KCNIP1: variants seen among roughly 807,000 people sequenced by gnomAD.
KCNIP1 encodes the protein A-type potassium channel modulatory protein KCNIP1.
A neutral mutation model predicts 33.0 loss-of-function variants in KCNIP1; 18 were observed. That is an observed-to-expected ratio of 0.55 (90% CI 0.38 to 0.81). The LOEUF (loss-of-function observed/expected upper bound fraction) is 0.81, where lower values mean the gene tolerates loss of function less well. KCNIP1 is among the 30% of genes least tolerant of loss of function. KCNIP1 has a pLI of 0.00. For missense variants in KCNIP1, 238 were observed against 271.6 expected (o/e 0.88, Z 0.87); for synonymous variants, 93 against 98.3 (o/e 0.95, Z 0.32).
chr5:170,395,256 A>T (rs1754729299), intron 1 of KCNIP1, among the ~76,000 whole-genome samples: 1 of 152,214 alleles, frequency 6.6e-6, no homozygotes, highest in Admixed American at 6.5e-5. Flanking sequence ...CCTTGCCAGC[A>T]TCTGTTATTT....
At chr5:170,378,664 C>T (rs112121155) in intron 1 of KCNIP1, 461 of 1,554,430 alleles carry the variant, frequency 3.0e-4, no homozygotes, top group Non-Finnish European at 3.8e-4. Context: ...CCAGCCAGTC[C>T]CCTGTGCCCT....
At chr5:170,435,651 T>C (rs186873447) in intron 1 of KCNIP1, among the ~76,000 whole-genome samples, 2 of 152,218 alleles carry the variant, frequency 1.3e-5, no homozygotes, top group East Asian at 3.9e-4. Flanking sequence ...TGTTATGTGA[T>C]TATGGACAAG....
At chr5:170,378,653 C>T in intron 1 of KCNIP1, 1 of 1,540,008 alleles carries the variant, frequency 6.5e-7, no homozygotes, top group Non-Finnish European at 8.7e-7. Context: ...GCCCTGGGGG[C>T]CCAGCCAGTC....
chr5:170,542,770 T>C (rs574132588), intron 1 of KCNIP1, among the ~76,000 whole-genome samples: 1 of 152,310 alleles, frequency 6.6e-6, no homozygotes, highest in South Asian at 2.1e-4. Context: ...TATAGTATAA[T>C]AAAAGTTATG....
chr5:170,673,652 G>T (rs1762008347), intron 1 of KCNIP1, among the ~76,000 whole-genome samples: 1 of 152,192 alleles, frequency 6.6e-6, no homozygotes, highest in Non-Finnish European at 1.5e-5. Flanking sequence ...GTAAGGTATA[G>T]TTCCTGGTAT....
At chr5:170,682,440 A>T (rs570198658) in intron 1 of KCNIP1, among the ~76,000 whole-genome samples, 1 of 152,186 alleles carries the variant, frequency 6.6e-6, no homozygotes, top group African/African-American at 2.4e-5. Flanking sequence ...CCCTGTATGT[A>T]AGGATGTTTT....
chr5:170,488,234 T>G (rs1013643156), intron 1 of KCNIP1, among the ~76,000 whole-genome samples: 24 of 152,194 alleles, frequency 1.6e-4, no homozygotes, highest in African/African-American at 5.5e-4. Context: ...TGCTTGTGTT[T>G]CCGGGAAGAG....
At chr5:170,432,649 A>G (rs771067344) in intron 1 of KCNIP1, among the ~76,000 whole-genome samples, 1 of 152,200 alleles carries the variant, frequency 6.6e-6, no homozygotes, top group Non-Finnish European at 1.5e-5. Context: ...ATTTTTGGAA[A>G]TCAGAAAGTG....
At chr5:170,541,128 C>T (rs1756190634) in intron 1 of KCNIP1, among the ~76,000 whole-genome samples, 1 of 152,160 alleles carries the variant, frequency 6.6e-6, no homozygotes, top group African/African-American at 2.4e-5. Context: ...AAGGCCCTTC[C>T]ACTCTCTGAG....
chr5:170,597,784 A>AATATGT (rs1758496436), intron 1 of KCNIP1, among the ~76,000 whole-genome samples: 1 of 134,432 alleles, frequency 7.4e-6, no homozygotes, highest in African/African-American at 3.1e-5. Context: ...GAGAGAGATA[A>AATATGT]ATATATATAT....
chr5:170,722,981 T>TTGCCC (rs1326803870), intron 5 of KCNIP1, among the ~76,000 whole-genome samples, 161 bp downstream of exon 5: 4 of 152,270 alleles, frequency 2.6e-5, no homozygotes, highest in East Asian at 1.9e-4. Flanking sequence ...GCCTCCCTCA[T>TTGCCC]TGCCCTACCC....
intron 1 of KCNIP1, among the ~76,000 whole-genome samples, chr5:170,437,825 T>A (rs1755899833): frequency 6.6e-6 from 1 of 152,178 alleles, no homozygotes; most frequent in South Asian, 2.1e-4. Context: ...TTCCCCTACC[T>A]CTGGGCCTTT....
chr5:170,572,066 C>T (rs1757431778), intron 1 of KCNIP1, among the ~76,000 whole-genome samples: 1 of 152,026 alleles, frequency 6.6e-6, no homozygotes, highest in African/African-American at 2.4e-5. Flanking sequence ...GTGATGGGGG[C>T]TGGGGTGAAT....
At chr5:170,447,596 T>C (rs987327121) in intron 1 of KCNIP1, among the ~76,000 whole-genome samples, 4 of 152,094 alleles carry the variant, frequency 2.6e-5, no homozygotes, top group African/African-American at 9.7e-5. Context: ...GCCTCAGGGA[T>C]GTTGGTCATG....
At chr5:170,494,052 A>C (rs1320488073) in intron 1 of KCNIP1, among the ~76,000 whole-genome samples, 1 of 152,158 alleles carries the variant, frequency 6.6e-6, no homozygotes, top group Non-Finnish European at 1.5e-5. Context: ...TACCCCAGGG[A>C]CTGGCAGTGT....
chr5:170,404,062 A>T (rs919693545), intron 1 of KCNIP1, among the ~76,000 whole-genome samples: 3 of 152,140 alleles, frequency 2.0e-5, no homozygotes, highest in African/African-American at 7.2e-5. Flanking sequence ...CTCCTCCTGC[A>T]TCTCTTGTGG....
At chr5:170,627,620 G>A (rs1204038693) in intron 1 of KCNIP1, among the ~76,000 whole-genome samples, 1 of 152,246 alleles carries the variant, frequency 6.6e-6, no homozygotes, top group Non-Finnish European at 1.5e-5. Context: ...GTGACCCCCA[G>A]GCATCTGGCA....
At chr5:170,686,046 C>T (rs571409563) in intron 1 of KCNIP1, among the ~76,000 whole-genome samples, 1 of 152,288 alleles carries the variant, frequency 6.6e-6, no homozygotes, top group East Asian at 1.9e-4. Context: ...TTGTTGCTGG[C>T]CTGTACTTCC....
intron 1 of KCNIP1, among the ~76,000 whole-genome samples, chr5:170,400,650 T>C (rs1754879171): frequency 6.6e-6 from 1 of 152,240 alleles, no homozygotes; most frequent in African/African-American, 2.4e-5. Context: ...GTATCTCATT[T>C]GATCCTGACC....
Sources: allele counts gnomAD v4.1 joint callset (sites outside exome capture counted in the v4.1 genomes callset), GRCh38; gene constraint gnomAD v4.1.1; transcripts MANE v1.5; gene names NCBI Gene and HGNC (gene_info 2026-07-23, HGNC 2026-07-21).